Variants in PCDHGA8 observed in about 807,000 individuals in gnomAD.
The protein encoded by PCDHGA8 is protocadherin gamma subfamily A, 8.
PCDHGA8 carries 45 observed loss-of-function variants against 59.2 expected under a neutral mutation model. That is an observed-to-expected ratio of 0.76 (90% confidence interval 0.60 to 0.98). The LOEUF (loss-of-function observed/expected upper bound fraction) is 0.98, where lower values mean the gene tolerates loss of function less well. PCDHGA8 is among the 50% of genes least tolerant of loss of function. PCDHGA8 has a pLI of 0.00. For missense variants in PCDHGA8, 1,257 were observed against 1,196.2 expected (o/e 1.05, Z -0.75); for synonymous variants, 531 against 519.0 (o/e 1.02, Z -0.32).
intron 1 of PCDHGA8, among the ~76,000 whole-genome samples, chr5:141,474,250 A>G (rs2099346141): frequency 6.6e-6 from 1 of 152,236 alleles, no homozygotes; most frequent in East Asian, 1.9e-4. Flanking sequence ...GGGGAAAAAA[A>G]GACTGATAAA....
chr5:141,415,078 GC>G (rs2095826068), intron 1 of PCDHGA8: 1 of 1,613,376 alleles, frequency 6.2e-7, no homozygotes, highest in Non-Finnish European at 8.5e-7. Flanking sequence ...CACGGCGCGA[GC>G]CCTGCTGGAC....
rs1180746876 is a variant in PCDHGA8 at position 141,392,926 on chromosome 5, A to G, written c.113A>G (p.Glu38Gly). ...RGQIRYSVPEETDKGSFVGNI... is the reference protein window; with the variant it reads ...RGQIRYSVPEGTDKGSFVGNI... ...CAGATTCGCTACTCTGTGCCAGAAG[A>G]GACGGACAAAGGCTCCTTCGTGGGT... The change falls in exon 1 of 4, where the codon GAG becomes GGG. Residue 38 changes from glutamate (E) to glycine (G), a missense_variant. Physicochemically the swap from Glu to Gly is moderately conservative, Grantham distance 98 (BLOSUM62 -2). Transcript: ENST00000398604. The G allele has an allele frequency of 9.3e-6, 15 of 1,613,946 alleles. No individual in the cohort carries two copies. The highest frequency in any genetic ancestry group is 1.3e-5 in the Non-Finnish European group (15 of 1,179,904).
intron 1 of PCDHGA8, chr5:141,405,556 C>T: frequency 1.6e-6 from 1 of 619,826 alleles, no homozygotes; most frequent in East Asian, 2.7e-5. Context: ...AGTAGAGTAG[C>T]TGGGACTAGA....
At position 141,431,851 on chromosome 5, in the gene PCDHGA8, A is replaced by G. The variant is rs2097423722; in HGVS notation, c.2424+36614A>G. 1 of 1,614,264 alleles carries G rather than the reference A, an allele frequency of 6.2e-7. No individual in the cohort carries two copies. The highest frequency in any genetic ancestry group is 1.1e-5 in the South Asian group (1 of 91,088). ...TTCCCGAAAACTCTCCCAGAGGGAC[A>G]TTAATTGCCCTTTTAAATGTAAATG... On this transcript the variant is annotated intron_variant, in intron 1 of 3. Coordinates refer to ENST00000398604, the MANE Select transcript of PCDHGA8 (RefSeq NM_032088.2). This position sits in a 1 kb window ranked among gnomAD's most constrained non-coding sequence, Gnocchi z 4.8.
intron 1 of PCDHGA8, among the ~76,000 whole-genome samples, chr5:141,437,923 A>G (rs893873818): frequency 2.0e-5 from 3 of 152,110 alleles, no homozygotes; most frequent in African/African-American, 7.2e-5. Context: ...TTTTTAGTAG[A>G]GATGGGGTTT....
intron 1 of PCDHGA8, among the ~76,000 whole-genome samples, chr5:141,448,855 G>A (rs2098611434): frequency 6.6e-6 from 1 of 152,172 alleles, no homozygotes. Context: ...TGAGGCAGGA[G>A]AATGGCGTGA....
In PCDHGA8 at chr5:141,490,442, A is replaced by T. The variant is rs757900187; in HGVS notation, c.2425-4365A>T. On this transcript the variant is annotated intron_variant, in intron 1 of 3. Transcript: ENST00000398604. The surrounding 1 kb of genome is among the most constrained non-coding windows in gnomAD (Gnocchi z 5.4). ...CTGCCATTTCAGATTAAGCCTTCTG[A>T]GAACCACTACTCGCTGCTAACCAGC... 16 of 1,614,092 alleles carry T rather than the reference A, an allele frequency of 9.9e-6. No individual in the cohort carries two copies. Among genetic ancestry groups the T allele is most frequent in the Non-Finnish European group, 1.2e-5 (14 of 1,180,044 alleles).
intron 1 of PCDHGA8, among the ~76,000 whole-genome samples, chr5:141,465,422 G>A (rs74711061): frequency 0.01 from 1,576 of 152,260 alleles, 21 homozygotes; most frequent in African/African-American, 0.037. Context: ...AGCACTGAAA[G>A]GTGGGCACTT....
At chr5:141,461,007 A>G (rs965754689) in intron 1 of PCDHGA8, among the ~76,000 whole-genome samples, 1 of 151,418 alleles carries the variant, frequency 6.6e-6, no homozygotes, top group Non-Finnish European at 1.5e-5. Flanking sequence ...GTGTATATAT[A>G]TATACCACAT....
In PCDHGA8 at chr5:141,413,208, A is replaced by G. The variant is rs532127106; in HGVS notation, c.2424+17971A>G. The G allele has an allele frequency of 3.5e-5, 57 of 1,612,984 alleles. No individual in the cohort carries two copies. The African/African-American group carries it at 5.2e-4, about 15-fold the overall frequency. On this transcript the variant is annotated intron_variant, in intron 1 of 3. Coordinates refer to ENST00000398604, the MANE Select transcript of PCDHGA8 (RefSeq NM_032088.2). ...CTCAAAGGAATCGCTCAAAGGAATC[A>G]AAGGATTGCAGCGGGCTGGTCCTGC... is the stretch of plus-strand genomic sequence containing the variant.
intron 1 of PCDHGA8, chr5:141,407,873 A>G (rs561323423): frequency 2.0e-5 from 7 of 354,686 alleles, no homozygotes; most frequent in African/African-American, 1.3e-4. Context: ...CGAAGAATAT[A>G]TACATTTCGG....
chr5:141,421,043 C>G (rs1201118615), intron 1 of PCDHGA8: 2 of 548,238 alleles, frequency 3.6e-6, no homozygotes, highest in Non-Finnish European at 6.3e-6. Flanking sequence ...CCTCCCTCCC[C>G]CGCCTCTACC....
At chr5:141,484,626 C>T (rs1306600907) in intron 1 of PCDHGA8, among the ~76,000 whole-genome samples, 1 of 151,972 alleles carries the variant, frequency 6.6e-6, no homozygotes, top group African/African-American at 2.4e-5. Context: ...CTGGCTTGAA[C>T]AAAGTGACCA....
chr5:141,424,005 C>A, intron 1 of PCDHGA8: 1 of 1,070,322 alleles, frequency 9.3e-7, no homozygotes. Context: ...TATATAGATA[C>A]AAATTAATGA....
rs915257485 is a variant in PCDHGA8, at chr5:141,476,018, A to T, written c.2425-18789A>T. ...AACGGCATCCAGAAAGCCATGTCGG[A>T]CTCGGCGCCCAGCGCCCAAGCGCTA... On this transcript the variant is annotated intron_variant, in intron 1 of 3. Transcript: ENST00000398604. This position sits in a 1 kb window ranked among gnomAD's most constrained non-coding sequence, Gnocchi z 7.6. The T allele has an allele frequency of 5.8e-6, 8 of 1,371,412 alleles. No homozygotes were observed. Among genetic ancestry groups the T allele is most frequent in the Non-Finnish European group, 7.9e-6 (8 of 1,016,908 alleles). The allele number at this position is 1,371,412 out of a possible 1,614,324, so 85.0% of individuals were successfully genotyped here.
At chr5:141,492,168 A>C (rs1426223836) in intron 1 of PCDHGA8, among the ~76,000 whole-genome samples, 1 of 152,108 alleles carries the variant, frequency 6.6e-6, no homozygotes, top group African/African-American at 2.4e-5. Context: ...CTATCCCCGC[A>C]TCACCCAACC....
At position 141,485,227 on chromosome 5, in the gene PCDHGA8, G is replaced by C. The variant is rs2099609828; in HGVS notation, c.2425-9580G>C. 1 of 1,614,186 alleles carries C rather than the reference G, an allele frequency of 6.2e-7. No individual in the cohort carries two copies. Among genetic ancestry groups the C allele is most frequent in the Non-Finnish European group, 8.5e-7 (1 of 1,180,020 alleles). On this transcript the variant is annotated intron_variant, in intron 1 of 3. Transcript: ENST00000398604. The surrounding 1 kb of genome is among the most constrained non-coding windows in gnomAD (Gnocchi z 5.7). The stretch of plus-strand genomic sequence containing the variant: ...AAATCTGGCGGTGGGCTACCCTTTT[G>C]TTCCTCTTTTACCACCTGGGTTACG...
chr5:141,427,921 G>A (rs2097089596), intron 1 of PCDHGA8: 3 of 1,580,128 alleles, frequency 1.9e-6, no homozygotes, highest in African/African-American at 1.3e-5. Flanking sequence ...AACATGAGCC[G>A]GCGCATGTTG....
chr5:141,467,923 T>C lies in PCDHGA8; in HGVS notation c.2425-26884T>C, dbSNP rs190816380. Among the ~76,000 whole-genome samples the C allele has an allele frequency of 3.9e-3, 588 of 151,590 alleles. 5 individuals carry two copies. Among genetic ancestry groups the C allele is most frequent in the Admixed American group, 0.011 (168 of 15,214 alleles). ...ATCCGCCCACCTCAGCCTCCCAAAA[T>C]GCTAGGATTACAAGCATGAGCCACC... On this transcript the variant is annotated intron_variant, in intron 1 of 3. Coordinates refer to ENST00000398604, the MANE Select transcript of PCDHGA8 (RefSeq NM_032088.2).
Sources: gnomAD v4.1 joint callset for allele counts (sites outside exome capture counted in the v4.1 genomes callset) on GRCh38, gnomAD v4.1.1 for gene constraint, Gnocchi (gnomAD v3.1) non-coding constraint, MANE v1.5 for transcripts, NCBI Gene and HGNC (gene_info 2026-07-23, HGNC 2026-07-21) for gene names.